TM9SF4: variants seen among roughly 807,000 people sequenced by gnomAD.
TM9SF4 encodes the protein dinucleotide oxidase disulfide thiol exchanger 3 superfamily member 4.
Under a neutral mutation model 90.4 loss-of-function variants are expected in TM9SF4, and 26 were observed. That is an observed-to-expected ratio of 0.29 (90% CI 0.21 to 0.40). TM9SF4 has a LOEUF of 0.40. Among genes scored for constraint, TM9SF4 ranks in the 10% least tolerant of loss-of-function variants. TM9SF4 has a pLI of 1.00. For synonymous variants in TM9SF4, 293 were observed against 315.4 expected (o/e 0.93, Z 0.75); for missense variants, 549 against 834.8 (o/e 0.66, Z 4.22).
At chr20:32,122,352 G>A (rs1218053314) in intron 1 of TM9SF4, among the ~76,000 whole-genome samples, 2 of 151,058 alleles carry the variant, frequency 1.3e-5, no homozygotes, top group Non-Finnish European at 3.0e-5. Context: ...GGGCGGAGAT[G>A]CTCCTCACTT....
chr20:32,161,918 G>A (rs550718468), intron 17 of TM9SF4, among the ~76,000 whole-genome samples: 20 of 152,280 alleles, frequency 1.3e-4, no homozygotes, highest in African/African-American at 4.8e-4. Context: ...CAGGCACCTC[G>A]GAGCCCTCCT....
intron 17 of TM9SF4, among the ~76,000 whole-genome samples, chr20:32,162,694 C>A (rs1286132305): frequency 6.6e-6 from 1 of 152,192 alleles, no homozygotes. Flanking sequence ...CTGTCATTAT[C>A]AAGGTCTTGA....
intron 1 of TM9SF4, among the ~76,000 whole-genome samples, chr20:32,125,862 G>A (rs2046412653): frequency 6.6e-6 from 1 of 151,668 alleles, no homozygotes; most frequent in Non-Finnish European, 1.5e-5. Flanking sequence ...TAGAGATGGG[G>A]TTTTAGCATG....
chr20:32,146,457 T>G (rs969599346), intron 8 of TM9SF4, among the ~76,000 whole-genome samples: 1 of 151,584 alleles, frequency 6.6e-6, no homozygotes, highest in South Asian at 2.1e-4. Context: ...TAGCCAGAGG[T>G]GGAGCCACAG....
intron 1 of TM9SF4, among the ~76,000 whole-genome samples, chr20:32,122,311 C>A: frequency 6.7e-6 from 1 of 150,088 alleles, no homozygotes; most frequent in Non-Finnish European, 1.5e-5. Flanking sequence ...GGCTGACCCC[C>A]CCCACCTCCC....
intron 3 of TM9SF4, among the ~76,000 whole-genome samples, chr20:32,138,168 A>T (rs1417929473): frequency 1.3e-5 from 2 of 152,210 alleles, no homozygotes; most frequent in African/African-American, 4.8e-5. Context: ...CCTTCTCCAG[A>T]AAGGCCCATA....
At chr20:32,119,640 G>C (rs1026255614) in intron 1 of TM9SF4, among the ~76,000 whole-genome samples, 1 of 151,662 alleles carries the variant, frequency 6.6e-6, no homozygotes, top group Non-Finnish European at 1.5e-5. Flanking sequence ...TTTTCTTAGT[G>C]GTATCTTTGG....
At chr20:32,123,866 A>ATATATATATATATATTTTTTTTTT in intron 1 of TM9SF4, among the ~76,000 whole-genome samples, 20 of 93,946 alleles carry the variant, frequency 2.1e-4, no homozygotes, top group East Asian at 7.4e-4. Context: ...ATATATATAT[A>ATATATATATATATATTTTTTTTTT]TTTTTTTTTT....
intron 1 of TM9SF4, among the ~76,000 whole-genome samples, chr20:32,118,786 C>T (rs1439114942): frequency 6.6e-6 from 1 of 152,056 alleles, no homozygotes; most frequent in East Asian, 1.9e-4. Flanking sequence ...CAGGCAAGCA[C>T]CACCATTCCT....
intron 3 of TM9SF4, among the ~76,000 whole-genome samples, chr20:32,136,685 C>T (rs2046598949): frequency 6.6e-6 from 1 of 152,182 alleles, no homozygotes; most frequent in Admixed American, 6.5e-5. Context: ...CACAAGTATT[C>T]CATAACTAGT....
At chr20:32,150,475 T>C in intron 10 of TM9SF4, 147 bp from the exon 11 acceptor site, 3 of 870,008 alleles carry the variant, frequency 3.4e-6, no homozygotes, top group Non-Finnish European at 5.4e-6. Flanking sequence ...ACTATGCTGT[T>C]GAGAAGACAA....
chr20:32,113,641 T>A (rs1043784704), intron 1 of TM9SF4, among the ~76,000 whole-genome samples: 3 of 152,190 alleles, frequency 2.0e-5, no homozygotes, highest in Non-Finnish European at 4.4e-5. Flanking sequence ...CTGTTTTGGT[T>A]TTTATTATAA....
intron 1 of TM9SF4, among the ~76,000 whole-genome samples, chr20:32,122,150 G>C (rs1238801334): frequency 1.5e-5 from 2 of 132,970 alleles, no homozygotes; most frequent in Non-Finnish European, 3.2e-5. Flanking sequence ...CTGGCCGGGC[G>C]GGGGGGGTGA....
chr20:32,129,597 AT>A (rs34093111), intron 1 of TM9SF4, among the ~76,000 whole-genome samples: 7,418 of 139,584 alleles, frequency 0.053, 501 homozygotes, highest in African/African-American at 0.17. Context: ...TAAGTAGTGA[AT>A]TTTTTTTTTT....
intron 3 of TM9SF4, among the ~76,000 whole-genome samples, chr20:32,137,768 T>TG (rs1357633697): frequency 6.6e-6 from 1 of 152,230 alleles, no homozygotes; most frequent in Middle Eastern, 3.2e-3. Flanking sequence ...TCCTATGAGC[T>TG]GGGCACTGTT....
chr20:32,145,386 T>C lies in TM9SF4; in HGVS notation c.846T>C (p.Ser282=). 1 of 1,614,188 alleles carries C rather than the reference T, an allele frequency of 6.2e-7. No individual in the cohort carries two copies. The highest frequency in any genetic ancestry group is 8.5e-7 in the Non-Finnish European group (1 of 1,180,040). ...GTGACGTCCAGATCCACTGGTTTTC[T>C]ATCATTAACTCCGTTGTTGTGGTCT... ...TMSDVQIHWF[S]IINSVVVVFF... Residue 282 remains serine, a synonymous_variant, in exon 8 of 18, where the codon TCT becomes TCC. Transcript: ENST00000398022.
In TM9SF4 at chr20:32,165,436, A is replaced by G. The variant is rs1454496636; in HGVS notation, c.1921A>G (p.Ile641Val). ...TCGCAAGATCTATGCTGCTGTGAAG[A>G]TAGACTGATTGGAGTGGACCACGGC... is the stretch of plus-strand genomic sequence containing the variant. ...FVRKIYAAVK[I>V]D Residue 641 changes from isoleucine to valine, a missense_variant, in exon 18 of 18, where the codon ATA becomes GTA. Transcript: ENST00000398022. The G allele has an allele frequency of 6.2e-7, 1 of 1,614,110 alleles. No homozygotes were observed. The highest frequency in any genetic ancestry group is 1.1e-5 in the South Asian group (1 of 91,074).
intron 1 of TM9SF4, among the ~76,000 whole-genome samples, chr20:32,128,474 C>T (rs192542359): frequency 6.6e-6 from 1 of 152,256 alleles, no homozygotes; most frequent in East Asian, 1.9e-4. Context: ...GTACCAAGTG[C>T]AGCTTTGTTA....
intron 5 of TM9SF4, among the ~76,000 whole-genome samples, 159 bp from the exon 6 acceptor site, chr20:32,142,823 G>T (rs2046700204): frequency 6.6e-6 from 1 of 152,176 alleles, no homozygotes; most frequent in Non-Finnish European, 1.5e-5. Flanking sequence ...CTGATAAGCT[G>T]CAGGGAGCCC....
Sources: allele counts gnomAD v4.1 joint callset (sites outside exome capture counted in the v4.1 genomes callset), GRCh38; gene constraint gnomAD v4.1.1; transcripts MANE v1.5; gene names NCBI Gene and HGNC (gene_info 2026-07-23, HGNC 2026-07-21).